Variants in NKAIN2 observed in about 807,000 individuals in gnomAD.
NKAIN2 encodes the protein sodium/potassium-transporting ATPase subunit beta-1-interacting protein 2.
A neutral mutation model predicts 32.6 loss-of-function variants in NKAIN2; 14 were observed. That is an observed-to-expected ratio of 0.43 (90% confidence interval 0.28 to 0.67). NKAIN2 has a LOEUF of 0.67. Ranked by LOEUF, NKAIN2 falls within the 30% of genes least tolerant of loss-of-function variation. The probability of loss-of-function intolerance (pLI) is 0.17; values close to 1 mark genes in which losing one functional copy is unlikely to be tolerated. For missense variants in NKAIN2, 198 were observed against 258.3 expected (o/e 0.77, Z 1.60); for synonymous variants, 80 against 87.2 (o/e 0.92, Z 0.46).
chr6:124,340,988 T>A (rs1322593), intron 2 of NKAIN2, among the ~76,000 whole-genome samples: 1 of 152,014 alleles, frequency 6.6e-6, no homozygotes, highest in African/African-American at 2.4e-5. Flanking sequence ...ATACCTTTGG[T>A]ATACTGTTTT....
At chr6:124,051,721 A>T (rs1782410258) in intron 1 of NKAIN2, among the ~76,000 whole-genome samples, 1 of 152,012 alleles carries the variant, frequency 6.6e-6, no homozygotes. Flanking sequence ...CAATGAATGG[A>T]GTCAAAATAA....
Position 124,012,353 on chromosome 6 carries a change from T to G in NKAIN2, c.54+208099T>G, listed in dbSNP as rs1582927217. ...TACATGATTTTTTTTTTTTTTTTTT[T>G]GAGACAGAGTCTTGCTCTCTCACCC... On this transcript the variant is annotated intron_variant, in intron 1 of 6. Coordinates refer to ENST00000368417, the MANE Select transcript of NKAIN2 (RefSeq NM_001040214.3). Among the ~76,000 whole-genome samples, 6 of 150,490 alleles carry G rather than the reference T, an allele frequency of 4.0e-5. No individual in the cohort carries two copies. The South Asian group carries it at 1.3e-3, about 32-fold the overall frequency.
intron 2 of NKAIN2, among the ~76,000 whole-genome samples, chr6:124,290,133 G>C (rs1179695487): frequency 6.6e-6 from 1 of 152,014 alleles, no homozygotes; most frequent in Non-Finnish European, 1.5e-5. Context: ...CATTGCAAAT[G>C]CAATTTATTC....
chr6:123,938,422 A>T (rs1026940387), intron 1 of NKAIN2, among the ~76,000 whole-genome samples: 45 of 43,858 alleles, frequency 1.0e-3, no homozygotes, highest in African/African-American at 6.4e-3. Flanking sequence ...ATATATATAT[A>T]TATATATATA....
At chr6:124,180,729 T>C (rs1002267708) in intron 1 of NKAIN2, among the ~76,000 whole-genome samples, 7 of 152,130 alleles carry the variant, frequency 4.6e-5, no homozygotes, top group African/African-American at 1.7e-4. Flanking sequence ...AGCAAGTTAG[T>C]TACTTCCAAG....
chr6:124,704,132 A>C (rs1367072234), intron 4 of NKAIN2, among the ~76,000 whole-genome samples: 2 of 151,986 alleles, frequency 1.3e-5, no homozygotes, highest in African/African-American at 4.8e-5. Flanking sequence ...TTATAAGAAG[A>C]GGCTCACTAA....
intron 3 of NKAIN2, among the ~76,000 whole-genome samples, chr6:124,530,610 T>C (rs1487050452): frequency 6.6e-6 from 1 of 152,032 alleles, no homozygotes; most frequent in Non-Finnish European, 1.5e-5. Flanking sequence ...TTATGGGAAA[T>C]TGCTTATTTG....
At chr6:124,784,415 C>G (rs1468466564) in intron 4 of NKAIN2, among the ~76,000 whole-genome samples, 1 of 152,128 alleles carries the variant, frequency 6.6e-6, no homozygotes, top group African/African-American at 2.4e-5. Flanking sequence ...CTGGAAACCA[C>G]CAACCTGTTC....
At chr6:124,075,737 AG>A (rs1783667882) in intron 1 of NKAIN2, among the ~76,000 whole-genome samples, 1 of 152,096 alleles carries the variant, frequency 6.6e-6, no homozygotes, top group Admixed American at 6.6e-5. Context: ...CTGGGATTAC[AG>A]GCACCCACCA....
At chr6:124,748,407 T>TA (rs1442017304) in intron 4 of NKAIN2, among the ~76,000 whole-genome samples, 1 of 151,930 alleles carries the variant, frequency 6.6e-6, no homozygotes, top group Non-Finnish European at 1.5e-5. Context: ...GCACTCTTCT[T>TA]ACATCAGGAA....
intron 1 of NKAIN2, among the ~76,000 whole-genome samples, chr6:124,071,524 CAGAGT>C (rs1397379862): frequency 1.3e-5 from 2 of 152,118 alleles, no homozygotes; most frequent in Non-Finnish European, 2.9e-5. Flanking sequence ...AAACTATCAA[CAGAGT>C]AAACAGACAG....
intron 4 of NKAIN2, among the ~76,000 whole-genome samples, chr6:124,787,772 C>T (rs563193198): frequency 1.3e-5 from 2 of 152,214 alleles, no homozygotes; most frequent in African/African-American, 4.8e-5. Context: ...ATTTGACACA[C>T]TGGAGGCCCA....
chr6:124,368,618 T>C (rs1378248731), intron 3 of NKAIN2, among the ~76,000 whole-genome samples: 7 of 152,056 alleles, frequency 4.6e-5, no homozygotes, highest in Admixed American at 6.6e-5. Flanking sequence ...GCACCATGCA[T>C]AGAAAATGTT....
At chr6:124,731,120 A>G (rs1776644201) in intron 4 of NKAIN2, among the ~76,000 whole-genome samples, 1 of 133,582 alleles carries the variant, frequency 7.5e-6, no homozygotes, top group Admixed American at 8.1e-5. Flanking sequence ...GTGGGACTGT[A>G]AACTAGTTCA....
chr6:124,038,160 C>G (rs529985514), intron 1 of NKAIN2, among the ~76,000 whole-genome samples: 21 of 152,064 alleles, frequency 1.4e-4, no homozygotes, highest in Admixed American at 1.2e-3. Flanking sequence ...CTAACATGAC[C>G]ACAAAATTCA....
At chr6:123,838,293 C>T (rs1490352) in intron 1 of NKAIN2, among the ~76,000 whole-genome samples, 111,080 of 151,996 alleles carry the variant, frequency 0.73, 40,789 homozygotes, top group Non-Finnish European at 0.77. Context: ...GAAACTTAAC[C>T]GAAAGGGTTT....
intron 5 of NKAIN2, among the ~76,000 whole-genome samples, chr6:124,796,455 G>A (rs990882808): frequency 2.0e-5 from 3 of 152,006 alleles, no homozygotes; most frequent in South Asian, 2.1e-4. Context: ...ACACACACAC[G>A]CACACACACT....
At chr6:124,574,305 G>T (rs1461983123) in intron 3 of NKAIN2, among the ~76,000 whole-genome samples, 1 of 73,366 alleles carries the variant, frequency 1.4e-5, no homozygotes, top group Non-Finnish European at 3.2e-5. Flanking sequence ...CAAACAAACA[G>T]AAAAAGTTAA....
chr6:123,852,418 G>T (rs560161538), intron 1 of NKAIN2, among the ~76,000 whole-genome samples: 41 of 151,904 alleles, frequency 2.7e-4, no homozygotes, highest in African/African-American at 8.9e-4. Flanking sequence ...CTGAAATTTT[G>T]CATCCTTCAG....
Sources: gnomAD v4.1 joint callset for allele counts (sites outside exome capture counted in the v4.1 genomes callset) on GRCh38, gnomAD v4.1.1 for gene constraint, MANE v1.5 for transcripts, NCBI Gene and HGNC (gene_info 2026-07-23, HGNC 2026-07-21) for gene names.